SV2C: variants seen among roughly 807,000 people sequenced by gnomAD.
SV2C encodes the protein solute carrier family 22 member B3.
Under a neutral mutation model 79.7 loss-of-function variants are expected in SV2C, and 49 were observed. The observed-to-expected ratio is 0.61, with a 90% CI of 0.49 to 0.78. The LOEUF (loss-of-function observed/expected upper bound fraction) is 0.78. Among genes scored for constraint, SV2C ranks in the 30% least tolerant of loss-of-function variants. The probability of loss-of-function intolerance (pLI) is 0.00; values close to 1 mark genes in which losing one functional copy is unlikely to be tolerated. For synonymous variants in SV2C, 334 were observed against 333.2 expected (o/e 1.00, Z -0.03); for missense variants, 833 against 912.9 (o/e 0.91, Z 1.13).
intron 2 of SV2C, 65 bp downstream of exon 2, chr5:76,132,395 C>T (rs1748932020): frequency 6.9e-7 from 1 of 1,448,710 alleles, no homozygotes; most frequent in South Asian, 1.4e-5. Flanking sequence ...CAGTTATCAA[C>T]ATAGAGAATA....
chr5:76,100,980 G>T (rs1747723363), intron 1 of SV2C, among the ~76,000 whole-genome samples: 1 of 152,180 alleles, frequency 6.6e-6, no homozygotes, highest in Non-Finnish European at 1.5e-5. Flanking sequence ...GGGGAGTGCA[G>T]AATTGCCCTC....
At chr5:76,309,259 C>T (rs1360127379) in intron 12 of SV2C, among the ~76,000 whole-genome samples, 1 of 151,848 alleles carries the variant, frequency 6.6e-6, no homozygotes, top group Non-Finnish European at 1.5e-5. Context: ...TAGAGAGCTC[C>T]CTCTAATGGC....
At chr5:75,938,404 C>A in the SV2C span, among the ~76,000 whole-genome samples, 1 of 152,120 alleles carries the variant, frequency 6.6e-6, no homozygotes, top group African/African-American at 2.4e-5. Flanking sequence ...AATGCAAATG[C>A]CCATCAGTGG....
At chr5:76,086,201 A>C (rs952741878) in intron 1 of SV2C, among the ~76,000 whole-genome samples, 2 of 152,220 alleles carry the variant, frequency 1.3e-5, no homozygotes, top group Non-Finnish European at 2.9e-5. Flanking sequence ...AATGCTTCAA[A>C]TAATAGGATC....
intron 1 of SV2C, among the ~76,000 whole-genome samples, chr5:76,128,541 G>C (rs1393866013): frequency 6.6e-6 from 1 of 152,196 alleles, no homozygotes; most frequent in Non-Finnish European, 1.5e-5. Context: ...ATTTGAGCTT[G>C]AGTCCGGCAT....
chr5:76,022,972 T>C, the SV2C span, among the ~76,000 whole-genome samples: 4 of 152,220 alleles, frequency 2.6e-5, no homozygotes, highest in African/African-American at 9.6e-5. Flanking sequence ...TCCCAATTTA[T>C]ACAACCTTAG....
At chr5:76,082,626 C>A (rs1005362295), upstream of SV2C, among the ~76,000 whole-genome samples, 1 of 116,732 alleles carries the variant, frequency 8.6e-6, no homozygotes, top group African/African-American at 3.2e-5. Context: ...CTCTCTATCT[C>A]TCTCTCCACC....
chr5:75,870,647 A>G, the SV2C span, among the ~76,000 whole-genome samples: 3 of 152,234 alleles, frequency 2.0e-5, no homozygotes, highest in South Asian at 4.1e-4. Context: ...AAATATCAAT[A>G]TCCAAGTACA....
chr5:76,079,687 A>T, upstream of SV2C: 1 of 338,142 alleles, frequency 3.0e-6, no homozygotes, highest in South Asian at 3.3e-5. Context: ...GCCTTGTGGA[A>T]TTCTCAAAGG....
chr5:76,310,514 G>A (rs1748398818), intron 12 of SV2C, among the ~76,000 whole-genome samples: 2 of 152,268 alleles, frequency 1.3e-5, no homozygotes, highest in South Asian at 2.1e-4. Context: ...GGGTCAGAGT[G>A]GACAATAAAA....
chr5:75,932,787 A>G, the SV2C span, among the ~76,000 whole-genome samples: 5 of 152,178 alleles, frequency 3.3e-5, no homozygotes, highest in African/African-American at 1.2e-4. Flanking sequence ...AGCATGTCAC[A>G]TTGCTACAGA....
chr5:76,190,273 T>G (rs888137297), intron 2 of SV2C, among the ~76,000 whole-genome samples: 8 of 152,180 alleles, frequency 5.3e-5, no homozygotes, highest in African/African-American at 1.9e-4. Context: ...GAGATCAGGC[T>G]CAACTCCTAG....
chr5:76,258,359 A>G (rs1325609501), intron 4 of SV2C, among the ~76,000 whole-genome samples: 1 of 152,106 alleles, frequency 6.6e-6, no homozygotes, highest in Non-Finnish European at 1.5e-5. Context: ...CTGGGCAAGG[A>G]GAAATTAACC....
intron 2 of SV2C, among the ~76,000 whole-genome samples, chr5:76,181,896 G>T (rs1743745067): frequency 6.6e-6 from 1 of 152,068 alleles, no homozygotes. Context: ...TGATATTTAG[G>T]AGTCTTCTCA....
At chr5:76,070,594 G>T in the SV2C span, among the ~76,000 whole-genome samples, 1 of 152,186 alleles carries the variant, frequency 6.6e-6, no homozygotes, top group African/African-American at 2.4e-5. Flanking sequence ...TCTGGACTTT[G>T]TCTTCTTTGG....
chr5:75,983,698 G>A, the SV2C span, among the ~76,000 whole-genome samples: 1 of 152,010 alleles, frequency 6.6e-6, no homozygotes, highest in Non-Finnish European at 1.5e-5. Flanking sequence ...GACAGACTGT[G>A]ATAGTTGCAT....
chr5:76,270,397 A>G (rs1746807338), intron 4 of SV2C, among the ~76,000 whole-genome samples: 1 of 152,240 alleles, frequency 6.6e-6, no homozygotes, highest in African/African-American at 2.4e-5. Context: ...GAGATGAATC[A>G]TTAGAAGTGT....
chr5:75,894,606 A>G, the SV2C span, among the ~76,000 whole-genome samples: 1 of 152,198 alleles, frequency 6.6e-6, no homozygotes, highest in East Asian at 1.9e-4. Context: ...GTTTTTATTT[A>G]ACCTGAGTCA....
chr5:75,948,212 T>C, the SV2C span, among the ~76,000 whole-genome samples: 240 of 152,192 alleles, frequency 1.6e-3, no homozygotes, highest in African/African-American at 1.9e-3. Flanking sequence ...GCACCTTACA[T>C]CCATGGAATT....
Sources: gnomAD v4.1 joint callset for allele counts (sites outside exome capture counted in the v4.1 genomes callset) on GRCh38, gnomAD v4.1.1 for gene constraint, MANE v1.5 for transcripts, NCBI Gene and HGNC (gene_info 2026-07-23, HGNC 2026-07-21) for gene names.